The following PIK3CG variants were observed in gnomAD, a reference collection of about 807,000 sequenced individuals.
PIK3CG encodes phosphatidylinositol 4,5-bisphosphate 3-kinase catalytic subunit gamma isoform.
PIK3CG carries 55 observed loss-of-function variants against 102.3 expected under a neutral mutation model. The observed-to-expected ratio is 0.54, with a 90% CI of 0.43 to 0.67. PIK3CG has a LOEUF of 0.67. Among genes scored for constraint, PIK3CG ranks in the 30% least tolerant of loss-of-function variants. The probability of loss-of-function intolerance (pLI) is 0.00; values close to 1 mark genes in which losing one functional copy is unlikely to be tolerated. For synonymous variants in PIK3CG, 552 were observed against 540.0 expected (o/e 1.02, Z -0.31); for missense variants, 1,258 against 1,391.8 (o/e 0.90, Z 1.53).
chr7:106,905,171 C>T lies in PIK3CG; in HGVS notation c.3093C>T (p.Phe1031=), dbSNP rs1321662944. The T allele has an allele frequency of 1.9e-6, 3 of 1,613,612 alleles. No individual in the cohort carries two copies. The highest frequency in any genetic ancestry group is 2.5e-6 in the Non-Finnish European group (3 of 1,179,506). Reference sequence around the variant, plus strand: ...ACACAAACCTACTGATCATCCTGTTCTCCATGATGCTGATGACAGGAATGC... The same window carrying T: ...ACACAAACCTACTGATCATCCTGTTTTCCATGATGCTGATGACAGGAATGC... The part of the protein sequence containing the change: ...RHHTNLLIIL[F]SMMLMTGMPQ... Residue 1031 remains phenylalanine (F), a synonymous_variant, in exon 11 of 11, where the codon TTC becomes TTT. Transcript: ENST00000496166. The surrounding 1 kb of genome is among the most constrained non-coding windows in gnomAD (Gnocchi z 5.6).
intron 2 of PIK3CG, among the ~76,000 whole-genome samples, chr7:106,870,667 T>G (rs571321827): frequency 6.6e-6 from 1 of 152,304 alleles, no homozygotes; most frequent in South Asian, 2.1e-4. Context: ...ACCTGAGATC[T>G]TTAGGATTAG....
At position 106,868,632 on chromosome 7, in the gene PIK3CG, C is replaced by T. The variant is rs762124172; in HGVS notation, c.1071C>T (p.Cys357=). 8.1e-6 allele frequency: 13 copies of T among 1,614,138 alleles called. No homozygotes were observed. The highest frequency in any genetic ancestry group is 1.1e-5 in the South Asian group (1 of 91,076). The change falls in exon 2 of 11, where the codon TGC becomes TGT. Residue 357 remains cysteine (C), a synonymous_variant. Transcript: ENST00000496166. The surrounding 1 kb of genome is among the most constrained non-coding windows in gnomAD (Gnocchi z 6.2). ...ESVFTVSLWD[C]DRKFRVKIRG... ...TGTTCACCGTGTCCCTGTGGGACTG[C>T]GACCGCAAGTTCAGGGTCAAGATCA...
chr7:106,867,952 A>G lies in PIK3CG; in HGVS notation c.391A>G (p.Ser131Gly), dbSNP rs772898129. ...GCGCTACTGGAAGGCCACGCACCGG[A>G]GCCCGGGCCAGATCCACCTGGTGCA... The part of the protein sequence containing the change: ...CLRYWKATHR[S>G]PGQIHLVQRH... The change falls in exon 2 of 11, where the codon AGC (serine) becomes GGC (glycine). Residue 131 changes from serine (S) to glycine (G), a missense_variant. By Grantham distance (56) the Ser-to-Gly change is moderately conservative. Coordinates refer to ENST00000496166, the MANE Select transcript of PIK3CG (RefSeq NM_001282426.2). This position sits in a 1 kb window ranked among gnomAD's most constrained non-coding sequence, Gnocchi z 5.1. 4.3e-6 allele frequency: 7 copies of G among 1,612,866 alleles called. No individual in the cohort carries two copies. The highest frequency in any genetic ancestry group is 1.3e-5 in the African/African-American group (1 of 75,038).
intron 1 of PIK3CG, among the ~76,000 whole-genome samples, chr7:106,866,803 T>C (rs1790301116): frequency 6.6e-6 from 1 of 152,220 alleles, no homozygotes; most frequent in Non-Finnish European, 1.5e-5. Flanking sequence ...CTAATTCCGA[T>C]ATGTTTTAGC....
Position 106,892,079 on chromosome 7 carries a change from C to T in PIK3CG, c.3030+5787C>T, listed in dbSNP as rs1037381737. Among the ~76,000 whole-genome samples the T allele has an allele frequency of 3.9e-5, 6 of 152,094 alleles. No homozygotes were observed. Among genetic ancestry groups the T allele is most frequent in the Non-Finnish European group, 8.8e-5 (6 of 68,014 alleles). The stretch of plus-strand genomic sequence containing the variant: ...GGTCTCTCTGTTTGTTACCCAGCTG[C>T]TAGAACTAGGGCCCTAATCCCTCCT... On this transcript the variant is annotated intron_variant, in intron 10 of 10. Coordinates refer to ENST00000496166, the MANE Select transcript of PIK3CG (RefSeq NM_001282426.2). This position sits in a 1 kb window ranked among gnomAD's most constrained non-coding sequence, Gnocchi z 5.2.
At position 106,872,673 on chromosome 7, in the gene PIK3CG, T is replaced by C. The variant is rs2116484057; in HGVS notation, c.2062-40T>C. ...AGAATTAACTGGTAGACCTAAAGCA[T>C]TAGTCATAATAATTTCAACTTTCTT... On this transcript the variant is annotated intron_variant, in intron 3 of 10. Transcript: ENST00000496166. The surrounding 1 kb of genome is among the most constrained non-coding windows in gnomAD (Gnocchi z 5.3). 6.3e-7 allele frequency: 1 copy of C among 1,591,752 alleles called. No homozygotes were observed. The highest frequency in any genetic ancestry group is 8.6e-7 in the Non-Finnish European group (1 of 1,159,566).
At position 106,865,933 on chromosome 7, in the gene PIK3CG, TGTTA is replaced by T. The variant is rs143136867; in HGVS notation, c.-13+512_-13+515del. Among the ~76,000 whole-genome samples the T allele has an allele frequency of 3.0e-4, 45 of 152,370 alleles. No homozygotes were observed. The East Asian group carries it at 6.4e-3, about 22-fold the overall frequency. On this transcript the variant is annotated intron_variant, in intron 1 of 10. Coordinates refer to ENST00000496166, the MANE Select transcript of PIK3CG (RefSeq NM_001282426.2). Reference sequence around the variant, plus strand: ...CAATGTATCTTACAGTTCTCTTCTTTGTTAGTTATTCTATAATGTAGCAAAAGAC... The same window carrying T: ...CAATGTATCTTACAGTTCTCTTCTTTGTTATTCTATAATGTAGCAAAAGAC...
chr7:106,867,432 C>G lies in PIK3CG; in HGVS notation c.-12-118C>G, dbSNP rs1790324115. On this transcript the variant is annotated intron_variant, in intron 1 of 10. Transcript: ENST00000496166. The surrounding 1 kb of genome is among the most constrained non-coding windows in gnomAD (Gnocchi z 5.1). ...GTGCTTCCAGTTTAAAATACTTGGT[C>G]CCTCTGGGTCCCTGTGCACATGTAC... 1.1e-6 allele frequency: 1 copy of G among 888,380 alleles called. No homozygotes were observed. Among genetic ancestry groups the G allele is most frequent in the East Asian group, 2.5e-5 (1 of 40,650 alleles). The allele number at this position is 888,380 out of a possible 1,614,324, so 55.0% of individuals were successfully genotyped here. A position where few individuals can be genotyped will look rare whatever the true frequency, so the allele number is the denominator to read the frequency against.
In PIK3CG at chr7:106,869,002, G is replaced by C. The variant is rs2116455383; in HGVS notation, c.1441G>C (p.Val481Leu). The change falls in exon 2 of 11, where the codon GTC (valine) becomes CTC (leucine). Residue 481 changes from valine (V) to leucine (L), a missense_variant. Around this residue, in one of 2 missense-constraint regions of PIK3CG, gnomAD observed 832 missense variants for 787.5 expected, o/e 1.06. Transcript: ENST00000496166. This position sits in a 1 kb window ranked among gnomAD's most constrained non-coding sequence, Gnocchi z 5.3. Reference protein sequence around the residue: ...HRFLLRRGEYVLHMWQISGKG... With the variant: ...HRFLLRRGEYLLHMWQISGKG... ...TTTCCTCCTGCGCCGTGGAGAATAC[G>C]TCCTCCACATGTGGCAGATATCTGG... 6.2e-7 allele frequency: 1 copy of C among 1,614,114 alleles called. No individual in the cohort carries two copies. Among genetic ancestry groups the C allele is most frequent in the Non-Finnish European group, 8.5e-7 (1 of 1,180,020 alleles).
chr7:106,898,865 T>C (rs1467253436), intron 10 of PIK3CG, among the ~76,000 whole-genome samples: 1 of 152,210 alleles, frequency 6.6e-6, no homozygotes, highest in Non-Finnish European at 1.5e-5. Context: ...GGCTCTTTTT[T>C]GGTTCTATAT....
chr7:106,874,866 TG>T lies in PIK3CG; in HGVS notation c.2391+67del. 1 of 1,045,290 alleles carries T rather than the reference TG, an allele frequency of 9.6e-7. No homozygotes were observed. Among genetic ancestry groups the T allele is most frequent in the African/African-American group, 1.6e-5 (1 of 63,096 alleles). 64.8% of individuals were successfully genotyped at this position (1,045,290 alleles called of 1,614,324 possible). ...TCTTGAAGATGTCTAACGTGCTTGC[TG>T]GGGCCCAGTACTTAAAAGCTAATGT... is the stretch of plus-strand genomic sequence containing the variant. On this transcript the variant is annotated intron_variant, in intron 5 of 10. Coordinates refer to ENST00000496166, the MANE Select transcript of PIK3CG (RefSeq NM_001282426.2). This position sits in a 1 kb window ranked among gnomAD's most constrained non-coding sequence, Gnocchi z 4.3.
Position 106,893,002 on chromosome 7 carries a change from G to T in PIK3CG, c.3030+6710G>T, listed in dbSNP as rs1177951006. On this transcript the variant is annotated intron_variant, in intron 10 of 10. Coordinates refer to ENST00000496166, the MANE Select transcript of PIK3CG (RefSeq NM_001282426.2). This position sits in a 1 kb window ranked among gnomAD's most constrained non-coding sequence, Gnocchi z 4.4. ...AATTTGAGTCAAGAAAGGAAATTTG[G>T]GTCCAACTTGAAGCAGTACATAGGC... Among the ~76,000 whole-genome samples the T allele has an allele frequency of 1.3e-5, 2 of 152,114 alleles. No individual in the cohort carries two copies. The highest frequency in any genetic ancestry group is 2.9e-5 in the Non-Finnish European group (2 of 68,024).
At position 106,906,299 on chromosome 7, in the gene PIK3CG, T is replaced by C. The variant is rs1302149843; in HGVS notation, c.*912T>C. ...AAAAATTAGTTGAAAAATAATTACT[T>C]CTCAAGGATTATTAGAATCTTAGGT... On this transcript the variant is annotated 3_prime_UTR_variant, in exon 11 of 11. Coordinates refer to ENST00000496166, the MANE Select transcript of PIK3CG (RefSeq NM_001282426.2). 1 of 229,644 alleles carries C rather than the reference T, an allele frequency of 4.4e-6. No individual in the cohort carries two copies. The highest frequency in any genetic ancestry group is 8.6e-6 in the Non-Finnish European group (1 of 116,078). The allele number at this position is 229,644 out of a possible 1,614,324, so 14.2% of individuals were successfully genotyped here.
rs974626288 is a variant in PIK3CG at position 106,906,909 on chromosome 7, CT to C, written c.*1527del. 2 of 220,126 alleles carry C rather than the reference CT, an allele frequency of 9.1e-6. No individual in the cohort carries two copies. Among genetic ancestry groups the C allele is most frequent in the Non-Finnish European group, 1.8e-5 (2 of 111,916 alleles). 13.6% of individuals were successfully genotyped at this position (220,126 alleles called of 1,614,324 possible). ...CTGCAAAGAAGAATCAACAGGGACA[CT>C]TTTTAAAAACACTCTTATCAGCCTG... On this transcript the variant is annotated 3_prime_UTR_variant, in exon 11 of 11. Transcript: ENST00000496166.
Position 106,883,037 on chromosome 7 carries a change from G to A in PIK3CG, c.2634G>A (p.Met878Ile), listed in dbSNP as rs762208681. 8.7e-6 allele frequency: 14 copies of A among 1,613,206 alleles called. No homozygotes were observed. The highest frequency in any genetic ancestry group is 1.2e-5 in the Non-Finnish European group (14 of 1,179,614). Residue 878 changes from methionine to isoleucine, a missense_variant, in exon 8 of 11, where the codon ATG becomes ATA. Coordinates refer to ENST00000496166, the MANE Select transcript of PIK3CG (RefSeq NM_001282426.2). The surrounding 1 kb of genome is among the most constrained non-coding windows in gnomAD (Gnocchi z 5.8). ...GCISTGDKIG[M>I]IEIVKDATTI... Reference sequence around the variant, plus strand: ...ACTCTGTGCATCCTTCTGTAGGAATGATCGAGATTGTGAAAGACGCCACGA... The same window carrying A: ...ACTCTGTGCATCCTTCTGTAGGAATAATCGAGATTGTGAAAGACGCCACGA...
rs762757718 is a variant in PIK3CG, at chr7:106,867,679, A to G, written c.118A>G (p.Ile40Val). 6.2e-7 allele frequency: 1 copy of G among 1,613,348 alleles called. No individual in the cohort carries two copies. The highest frequency in any genetic ancestry group is 2.2e-5 in the East Asian group (1 of 44,874). ...CCTGTCCTCCATGGAGCTCATCCCC[A>G]TCGAGTTCGTGCTGCCCACCAGCCA... ...ASLSSMELIP[I>V]EFVLPTSQRK... The change falls in exon 2 of 11, where the codon ATC (isoleucine) becomes GTC (valine). Residue 40 changes from isoleucine (I) to valine (V), a missense_variant. Coordinates refer to ENST00000496166, the MANE Select transcript of PIK3CG (RefSeq NM_001282426.2). This position sits in a 1 kb window ranked among gnomAD's most constrained non-coding sequence, Gnocchi z 5.1.
Position 106,884,028 on chromosome 7 carries a change from A to T in PIK3CG, c.2761-127A>T. On this transcript the variant is annotated intron_variant, in intron 8 of 10. Transcript: ENST00000496166. This position sits in a 1 kb window ranked among gnomAD's most constrained non-coding sequence, Gnocchi z 4.2. ...CAATTCATAGATATAATGCTAATGA[A>T]ATCAGGCACAACTAACTTGCTCTCT... The T allele has an allele frequency of 1.4e-6, 1 of 707,368 alleles. No homozygotes were observed. 43.8% of individuals were successfully genotyped at this position (707,368 alleles called of 1,614,324 possible).
At chr7:106,882,933 A>AAG in intron 7 of PIK3CG, 100 bp from the exon 8 acceptor site, 1 of 986,770 alleles carries the variant, frequency 1.0e-6, no homozygotes, top group Non-Finnish European at 1.4e-6. Flanking sequence ...AAAAAAAAAA[A>AAG]AAAACCCTCT....
chr7:106,872,464 T>TTCTCCATTTCC lies in PIK3CG; in HGVS notation c.1996-71_1996-61dup, dbSNP rs1790565391. 2 of 1,170,898 alleles carry TTCTCCATTTCC rather than the reference T, an allele frequency of 1.7e-6. No individual in the cohort carries two copies. The highest frequency in any genetic ancestry group is 2.6e-6 in the Non-Finnish European group (2 of 783,518). The allele number at this position is 1,170,898 out of a possible 1,614,324, so 72.5% of individuals were successfully genotyped here. ...ACCCAGTAAAGCAGAGCACCAGTTCTTCTCCATTTCCTTTTCCCTGATTCA... is the reference window on the plus strand; with the variant it reads ...ACCCAGTAAAGCAGAGCACCAGTTCTTCTCCATTTCCTCTCCATTTCCTTTTCCCTGATTCA... On this transcript the variant is annotated intron_variant, in intron 2 of 10. Transcript: ENST00000496166. This position sits in a 1 kb window ranked among gnomAD's most constrained non-coding sequence, Gnocchi z 5.3.
Sources: allele counts gnomAD v4.1 joint callset (sites outside exome capture counted in the v4.1 genomes callset), GRCh38; gene constraint gnomAD v4.1.1; regional missense constraint gnomAD v4.1.1; non-coding constraint Gnocchi (gnomAD v3.1); transcripts MANE v1.5; gene names NCBI Gene and HGNC (gene_info 2026-07-23, HGNC 2026-07-21).